The following RBFOX1 variants were observed in gnomAD, a reference collection of about 807,000 sequenced individuals.
RBFOX1 encodes RNA binding protein fox-1 homolog 1.
Under a neutral mutation model 57.7 loss-of-function variants are expected in RBFOX1, and 8 were observed. The observed-to-expected ratio is 0.14, with a 90% CI of 0.08 to 0.25. RBFOX1 has a LOEUF of 0.25. RBFOX1 is among the 10% of genes least tolerant of loss of function. The pLI, the probability that RBFOX1 is intolerant of heterozygous loss-of-function variation, is 1.00. For synonymous variants in RBFOX1, 326 were observed against 222.4 expected, an observed-to-expected ratio of 1.47 and a Z score of -4.15; for missense variants, 611 against 548.5, an observed-to-expected ratio of 1.11 and a Z score of -1.14.
At chr16:6,195,298 C>T (rs2097172630) in intron 1 of RBFOX1, among the ~76,000 whole-genome samples, 1 of 152,196 alleles carries the variant, frequency 6.6e-6, no homozygotes, top group Non-Finnish European at 1.5e-5. Flanking sequence ...TTGTGCTGTG[C>T]CTCCATTTTA....
chr16:7,700,424 T>C (rs1288019767), intron 14 of RBFOX1, among the ~76,000 whole-genome samples: 2 of 152,164 alleles, frequency 1.3e-5, no homozygotes, highest in African/African-American at 4.8e-5. Flanking sequence ...AGTCAGTGTT[T>C]GACTCTAGAA....
intron 1 of RBFOX1, among the ~76,000 whole-genome samples, chr16:6,108,484 C>T (rs1663099481): frequency 6.6e-6 from 1 of 152,110 alleles, no homozygotes; most frequent in South Asian, 2.1e-4. Context: ...TGGTGCTGTG[C>T]TATTATGTGG....
At chr16:5,504,099 G>A (rs79109907) in intron 2 of RBFOX1, among the ~76,000 whole-genome samples, 3,027 of 152,292 alleles carry the variant, frequency 0.02, 106 homozygotes, top group African/African-American at 0.069. Flanking sequence ...GGCTGGGGGC[G>A]GAGGGAACTT....
intron 4 of RBFOX1, among the ~76,000 whole-genome samples, chr16:7,465,984 A>C (rs1307453718): frequency 6.6e-6 from 1 of 152,214 alleles, no homozygotes; most frequent in East Asian, 1.9e-4. Context: ...TCTCTCTAAC[A>C]GATCTCATCG....
At chr16:5,430,834 C>A (rs918108740) in intron 1 of RBFOX1, among the ~76,000 whole-genome samples, 2 of 152,186 alleles carry the variant, frequency 1.3e-5, no homozygotes, top group African/African-American at 4.8e-5. Context: ...CATACAGATA[C>A]AACAGCCAAC....
intron 5 of RBFOX1, among the ~76,000 whole-genome samples, chr16:7,558,633 C>T (rs748024961): frequency 6.6e-6 from 1 of 152,056 alleles, no homozygotes; most frequent in Non-Finnish European, 1.5e-5. Flanking sequence ...TCACAGAATT[C>T]CTGACAAGTT....
At chr16:6,682,213 C>G (rs1410937093) in intron 3 of RBFOX1, among the ~76,000 whole-genome samples, 9 of 152,298 alleles carry the variant, frequency 5.9e-5, no homozygotes, top group Admixed American at 5.2e-4. Context: ...ACAACAGCAA[C>G]GAACAACGCA....
At chr16:7,287,594 C>G (rs903824177) in intron 4 of RBFOX1, among the ~76,000 whole-genome samples, 6 of 152,122 alleles carry the variant, frequency 3.9e-5, no homozygotes, top group African/African-American at 1.4e-4. Flanking sequence ...AAGATAAAAC[C>G]TTTTATTTTT....
At chr16:5,518,739 G>T (rs760004745) in intron 2 of RBFOX1, among the ~76,000 whole-genome samples, 2 of 152,244 alleles carry the variant, frequency 1.3e-5, no homozygotes, top group South Asian at 2.1e-4. Flanking sequence ...TGAAGCGAAG[G>T]TCCCTGTCCT....
intron 3 of RBFOX1, among the ~76,000 whole-genome samples, chr16:6,956,519 G>T (rs2081881821): frequency 6.6e-6 from 1 of 152,126 alleles, no homozygotes; most frequent in Non-Finnish European, 1.5e-5. Context: ...AACCTGGAGT[G>T]GGGAAGGAGA....
chr16:6,892,658 G>C (rs952485245), intron 3 of RBFOX1, among the ~76,000 whole-genome samples: 26 of 150,054 alleles, frequency 1.7e-4, no homozygotes, highest in African/African-American at 6.3e-4. Flanking sequence ...CAACAGAGCA[G>C]GGCTGTCTCG....
At position 6,892,778 on chromosome 16, in the gene RBFOX1, CT is replaced by C. The variant is rs1476740743; in HGVS notation, c.-15-159278del. ...ATTCTCAAAGCCTCCCTGTCTCCCT[CT>C]CTCTCTCTCTCTCTCTCTCTCTCTC... On this transcript the variant is annotated intron_variant, in intron 3 of 15. Coordinates refer to ENST00000550418, the MANE Select transcript of RBFOX1 (RefSeq NM_018723.4). Among the ~76,000 whole-genome samples the C allele has an allele frequency of 3.0e-3, 65 of 21,366 alleles. 1 individual carries two copies. In the South Asian group the frequency reaches 0.082, roughly 27 times the overall value. The allele number at this position is 21,366 out of a possible 152,430, so 14.0% of individuals were successfully genotyped here.
chr16:5,651,054 T>C (rs2049222573), intron 3 of RBFOX1, among the ~76,000 whole-genome samples: 1 of 118,594 alleles, frequency 8.4e-6, no homozygotes, highest in Non-Finnish European at 1.8e-5. Context: ...TTTTTTTTTT[T>C]TTTTTTTTTT....
At chr16:6,261,112 C>G (rs573436878) in intron 1 of RBFOX1, among the ~76,000 whole-genome samples, 1 of 152,154 alleles carries the variant, frequency 6.6e-6, no homozygotes, top group Non-Finnish European at 1.5e-5. Flanking sequence ...CTGGAATATA[C>G]AATTTTTTAA....
At chr16:6,087,917 C>G (rs1439919170) in intron 1 of RBFOX1, among the ~76,000 whole-genome samples, 1 of 152,188 alleles carries the variant, frequency 6.6e-6, no homozygotes, top group East Asian at 1.9e-4. Context: ...TCCCAAAATG[C>G]TGGGATTACA....
intron 1 of RBFOX1, among the ~76,000 whole-genome samples, chr16:6,163,795 A>T (rs1343854565): frequency 1.8e-4 from 27 of 152,158 alleles, no homozygotes; most frequent in Admixed American, 1.8e-3. Context: ...TACCTATAGG[A>T]ATATTTTTTT....
chr16:6,708,892 C>G (rs998382416), intron 3 of RBFOX1, among the ~76,000 whole-genome samples: 1 of 152,152 alleles, frequency 6.6e-6, no homozygotes, highest in Admixed American at 6.5e-5. Context: ...TTCCTCTTCT[C>G]TGCTTCCCAC....
chr16:6,033,203 T>A (rs893645095), intron 1 of RBFOX1, among the ~76,000 whole-genome samples: 1 of 152,212 alleles, frequency 6.6e-6, no homozygotes, highest in Non-Finnish European at 1.5e-5. Flanking sequence ...CTCAAATAAT[T>A]AAAAACTATT....
chr16:7,329,687 A>G (rs1170158375), intron 4 of RBFOX1, among the ~76,000 whole-genome samples: 2 of 152,226 alleles, frequency 1.3e-5, no homozygotes, highest in Non-Finnish European at 2.9e-5. Flanking sequence ...GAATCAGAGA[A>G]TGTATGAGTA....
Sources: gnomAD v4.1 joint callset for allele counts (sites outside exome capture counted in the v4.1 genomes callset) on GRCh38, gnomAD v4.1.1 for gene constraint, MANE v1.5 for transcripts, NCBI Gene and HGNC (gene_info 2026-07-23, HGNC 2026-07-21) for gene names.